The following SMC2 variants were observed in gnomAD, a reference collection of about 807,000 sequenced individuals.
SMC2 encodes the protein structural maintenance of chromosomes protein 2.
Under a neutral mutation model 142.6 loss-of-function variants are expected in SMC2, and 41 were observed. The observed-to-expected ratio is 0.29, with a 90% CI of 0.22 to 0.37. SMC2 has a LOEUF of 0.37. Among genes scored for constraint, SMC2 ranks in the 10% least tolerant of loss-of-function variants. SMC2 has a pLI of 1.00. For synonymous variants in SMC2, 463 were observed against 457.5 expected, an observed-to-expected ratio of 1.01 and a Z score of -0.15; for missense variants, 1,265 against 1,373.7, an observed-to-expected ratio of 0.92 and a Z score of 1.25.
chr9:104,113,271 G>C, intron 10 of SMC2, 45 bp from the exon 11 acceptor site: 2 of 1,495,028 alleles, frequency 1.3e-6, no homozygotes, highest in East Asian at 2.4e-5. Flanking sequence ...TACTAGCACT[G>C]TCTGCCTCAT....
At chr9:104,102,216 C>A in intron 8 of SMC2, 23 bp downstream of exon 8, 3 of 1,338,234 alleles carry the variant, frequency 2.2e-6, no homozygotes, top group East Asian at 4.6e-5. Context: ...GTATAAGAAT[C>A]GATAATATAC....
Position 104,118,368 on chromosome 9 carries a change from G to T in SMC2, c.1989G>T (p.Leu663Phe). Residue 663 changes from leucine to phenylalanine, a missense_variant, in exon 15 of 25, where the codon TTG (leucine) becomes TTT (phenylalanine). Leu to Phe is a conservative substitution (Grantham distance 22, BLOSUM62 0). Around this residue, in one of 4 missense-constraint regions of SMC2, gnomAD observed 898 missense variants for 904.2 expected, o/e 0.99. Transcript: ENST00000374793. The part of the protein sequence containing the change: ...GGDVFDPHGT[L>F]SGGARSQAAS... Reference sequence around the variant, plus strand: ...ATGTGTTTGATCCTCATGGGACATTGAGTGGAGGTAAGTTTTATATCCTTT... The same window carrying T: ...ATGTGTTTGATCCTCATGGGACATTTAGTGGAGGTAAGTTTTATATCCTTT... 1.2e-6 allele frequency: 2 copies of T among 1,611,992 alleles called. No individual in the cohort carries two copies. Among genetic ancestry groups the T allele is most frequent in the South Asian group, 2.2e-5 (2 of 90,680 alleles).
At position 104,141,314 on chromosome 9, in the gene SMC2, C is replaced by T. The variant is rs199709646; in HGVS notation, c.*1999C>T. ...AGGGTGATAATACAGTTAGGAGTGT[C>T]AGGGCCCATGGACAAATCTTGTCAG... On this transcript the variant is annotated 3_prime_UTR_variant, in exon 25 of 25. Coordinates refer to ENST00000374793, the MANE Select transcript of SMC2 (RefSeq NM_006444.3). 4 of 152,228 alleles carry T rather than the reference C, an allele frequency of 2.6e-5. No individual in the cohort carries two copies. In the East Asian group the frequency reaches 7.7e-4, roughly 29 times the overall value. 9.4% of individuals were successfully genotyped at this position (152,228 alleles called of 1,614,324 possible). A position where few individuals can be genotyped will look rare whatever the true frequency, so the allele number is the denominator to read the frequency against.
At chr9:104,094,714 G>A (rs1238560989) in intron 1 of SMC2, 1 of 331,450 alleles carries the variant, frequency 3.0e-6, no homozygotes, top group African/African-American at 2.1e-5. Flanking sequence ...CAAGAAGTTG[G>A]AGAATATGAG....
intron 3 of SMC2, 131 bp from the exon 4 acceptor site, chr9:104,098,315 C>A: frequency 1.5e-6 from 1 of 661,958 alleles, no homozygotes; most frequent in Non-Finnish European, 2.3e-6. Context: ...ACTTGTTCCA[C>A]TATTTATGCA....
chr9:104,122,984 A>G, intron 16 of SMC2, 124 bp from the exon 17 acceptor site: 3 of 928,630 alleles, frequency 3.2e-6, no homozygotes, highest in African/African-American at 1.7e-5. Flanking sequence ...TCCTGTAACC[A>G]GTAGCATCTT....
At chr9:104,122,039 C>T (rs1833798977) in intron 16 of SMC2, among the ~76,000 whole-genome samples, 1 of 152,284 alleles carries the variant, frequency 6.6e-6, no homozygotes, top group Middle Eastern at 3.4e-3. Flanking sequence ...TAAAGGCCTG[C>T]ATTTTACCTT....
chr9:104,130,547 C>T (rs997616290), intron 21 of SMC2, among the ~76,000 whole-genome samples: 10 of 152,142 alleles, frequency 6.6e-5, no homozygotes, highest in Admixed American at 1.3e-4. Flanking sequence ...AAATCTGCGA[C>T]ACTGATAATA....
At chr9:104,099,453 G>A (rs1830864268) in intron 4 of SMC2, among the ~76,000 whole-genome samples, 191 bp from the exon 5 acceptor site, 1 of 151,822 alleles carries the variant, frequency 6.6e-6, no homozygotes, top group South Asian at 2.1e-4. Context: ...TCCATAATTT[G>A]TATCACTGGT....
At position 104,120,079 on chromosome 9, in the gene SMC2, T is replaced by C; in HGVS notation, c.2049T>C (p.Asp683=). ...TAACCAAGTTTCAAGAACTCAAAGA[T>C]GTTCAGGATGAACTGAGAATCAAAG... ...SILTKFQELK[D]VQDELRIKEN... is the part of the protein sequence containing the mutation. Residue 683 remains aspartate (D), a synonymous_variant, in exon 16 of 25, where the codon GAT becomes GAC. Coordinates refer to ENST00000374793, the MANE Select transcript of SMC2 (RefSeq NM_006444.3). 1 of 1,614,030 alleles carries C rather than the reference T, an allele frequency of 6.2e-7. No homozygotes were observed. Among genetic ancestry groups the C allele is most frequent in the Non-Finnish European group, 8.5e-7 (1 of 1,179,944 alleles).
At chr9:104,107,431 A>G (rs1001740924) in intron 9 of SMC2, among the ~76,000 whole-genome samples, 4 of 152,204 alleles carry the variant, frequency 2.6e-5, no homozygotes, top group Admixed American at 6.5e-5. Flanking sequence ...GACACCTGTC[A>G]TTGCATCAGG....
At chr9:104,117,842 C>CTA (rs1367166226) in intron 14 of SMC2, among the ~76,000 whole-genome samples, 1 of 152,136 alleles carries the variant, frequency 6.6e-6, no homozygotes, top group African/African-American at 2.4e-5. Flanking sequence ...TCAATCTGTA[C>CTA]TATAATTAAA....
In SMC2 at chr9:104,123,509, A is replaced by G. The variant is rs188454311; in HGVS notation, c.2257+277A>G. Among the ~76,000 whole-genome samples the G allele has an allele frequency of 3.7e-3, 558 of 152,276 alleles. 4 individuals are homozygous for G. The highest frequency in any genetic ancestry group is 0.013 in the African/African-American group (538 of 41,540). On this transcript the variant is annotated intron_variant, in intron 17 of 24. Transcript: ENST00000374793. ...TTCTCCAGACTTTTAAAATTTTCCA[A>G]ATCTGTTGGTTGTGAAAAGATAGCA...
chr9:104,114,015 T>C lies in SMC2; in HGVS notation c.1466T>C (p.Ile489Thr). 6 of 1,601,796 alleles carry C rather than the reference T, an allele frequency of 3.7e-6. No individual in the cohort carries two copies. Among genetic ancestry groups the C allele is most frequent in the Non-Finnish European group, 4.2e-6 (5 of 1,176,672 alleles). The change falls in exon 12 of 25, where the codon ATT becomes ACT. Residue 489 changes from isoleucine to threonine, a missense_variant. Ile to Thr is a moderately conservative substitution (Grantham distance 89, BLOSUM62 -1). Coordinates refer to ENST00000374793, the MANE Select transcript of SMC2 (RefSeq NM_006444.3). ...LEKRRQLSRDIGRLKETYEAL... is the reference protein window; with the variant it reads ...LEKRRQLSRDTGRLKETYEAL... ...AAGCGCAGGCAGCTGTCTCGTGATA[T>C]TGGTAGATTGAAAGAAACATATGAA...
At chr9:104,137,682 T>G (rs1835696982) in intron 23 of SMC2, among the ~76,000 whole-genome samples, 1 of 152,128 alleles carries the variant, frequency 6.6e-6, no homozygotes, top group Non-Finnish European at 1.5e-5. Context: ...ACCTGCTACC[T>G]AGGCTCTAAT....
rs549790335 is a variant in SMC2 at position 104,126,896 on chromosome 9, A to T, written c.2595+112A>T. On this transcript the variant is annotated intron_variant, in intron 19 of 24. Coordinates refer to ENST00000374793, the MANE Select transcript of SMC2 (RefSeq NM_006444.3). ...CAGTCTTTTCACTCGTCATCATGAG[A>T]GAATGAGGCACAAATAGCTTTTACT... The T allele has an allele frequency of 4.7e-6, 5 of 1,059,268 alleles. No homozygotes were observed. In the South Asian group the frequency reaches 6.5e-5, roughly 14 times the overall value. 65.6% of individuals were successfully genotyped at this position (1,059,268 alleles called of 1,614,324 possible). A position where few individuals can be genotyped will look rare whatever the true frequency, so the allele number is the denominator to read the frequency against.
chr9:104,104,172 T>G (rs1831493367), intron 9 of SMC2, among the ~76,000 whole-genome samples: 1 of 152,234 alleles, frequency 6.6e-6, no homozygotes, highest in African/African-American at 2.4e-5. Context: ...AAATATCATC[T>G]ATATGTTGAT....
intron 10 of SMC2, among the ~76,000 whole-genome samples, chr9:104,112,195 G>A (rs1182462579): frequency 1.3e-5 from 2 of 152,096 alleles, no homozygotes; most frequent in African/African-American, 4.8e-5. Flanking sequence ...CAGGAAAACA[G>A]GATTGTCCTC....
At chr9:104,111,477 C>A in intron 9 of SMC2, 104 bp from the exon 10 acceptor site, 1 of 637,714 alleles carries the variant, frequency 1.6e-6, no homozygotes, top group African/African-American at 1.8e-5. Context: ...TTATTATGCT[C>A]ACTCCAAATT....
Sources: allele counts gnomAD v4.1 joint callset (sites outside exome capture counted in the v4.1 genomes callset), GRCh38; gene constraint gnomAD v4.1.1; regional missense constraint gnomAD v4.1.1; transcripts MANE v1.5; gene names NCBI Gene and HGNC (gene_info 2026-07-23, HGNC 2026-07-21).